The following FNIP2 variants were observed in gnomAD, a reference collection of about 807,000 sequenced individuals.
The protein encoded by FNIP2 is folliculin-interacting protein 2.
Under a neutral mutation model 108.7 loss-of-function variants are expected in FNIP2, and 32 were observed. The ratio of observed to expected loss-of-function variants is 0.29; its 90% CI spans 0.22 to 0.40. The LOEUF (loss-of-function observed/expected upper bound fraction) is 0.40, where lower values mean the gene tolerates loss of function less well. Among genes scored for constraint, FNIP2 ranks in the 10% least tolerant of loss-of-function variants. The pLI is 1.00. For missense variants in FNIP2, 1,202 were observed against 1,381.6 expected, an observed-to-expected ratio of 0.87 and a Z score of 2.06; for synonymous variants, 480 against 496.7, an observed-to-expected ratio of 0.97 and a Z score of 0.45.
chr4:158,889,832 G>C (rs1782196164), intron 14 of FNIP2: 1 of 982,654 alleles, frequency 1.0e-6, no homozygotes, highest in Non-Finnish European at 1.2e-6. Flanking sequence ...ATAAGGACCA[G>C]ACTCATTGAT....
At chr4:158,838,750 A>G (rs928702920) in intron 7 of FNIP2, among the ~76,000 whole-genome samples, 2 of 152,116 alleles carry the variant, frequency 1.3e-5, no homozygotes, top group African/African-American at 4.8e-5. Context: ...GCTAAAGTCC[A>G]CAGTTTTTTT....
Position 158,904,678 on chromosome 4 carries a change from G to GTGTT in FNIP2, c.*136_*139dup, listed in dbSNP as rs1729674762. 1 of 772,066 alleles carries GTGTT rather than the reference G, an allele frequency of 1.3e-6. No homozygotes were observed. The highest frequency in any genetic ancestry group is 2.6e-5 in the Admixed American group (1 of 38,652). 47.8% of individuals were successfully genotyped at this position (772,066 alleles called of 1,614,324 possible). ...AACAGTCATTCCACCTTTTTGTTTT[G>GTGTT]TGTTTTTGCTGTCAAGCTGATGCTT... is the stretch of plus-strand genomic sequence containing the variant. On this transcript the variant is annotated 3_prime_UTR_variant, in exon 17 of 17. Coordinates refer to ENST00000264433, the MANE Select transcript of FNIP2 (RefSeq NM_020840.3).
At chr4:158,769,966 A>G (rs558629642) in intron 1 of FNIP2, among the ~76,000 whole-genome samples, 1 of 152,358 alleles carries the variant, frequency 6.6e-6, no homozygotes, top group African/African-American at 2.4e-5. Flanking sequence ...TCTCGAACAC[A>G]TACCTTTGAA....
intron 1 of FNIP2, among the ~76,000 whole-genome samples, chr4:158,772,007 C>G (rs1469775322): frequency 6.6e-6 from 1 of 152,116 alleles, no homozygotes; most frequent in East Asian, 1.9e-4. Flanking sequence ...CTTCATGTTT[C>G]CTGGCATTTC....
At chr4:158,851,280 C>T (rs1560800921) in intron 7 of FNIP2, 41 bp from the exon 8 acceptor site, 1 of 1,612,336 alleles carries the variant, frequency 6.2e-7, no homozygotes, top group Non-Finnish European at 8.5e-7. Flanking sequence ...TACATGAGGA[C>T]TAATTGACCT....
chr4:158,829,520 A>C lies in FNIP2; in HGVS notation c.381+295A>C, dbSNP rs139063610. Among the ~76,000 whole-genome samples the C allele has an allele frequency of 3.1e-3, 475 of 152,338 alleles. 2 individuals carry two copies. The highest frequency in any genetic ancestry group is 0.011 in the African/African-American group (452 of 41,582). ...TTTCCTTTGCTCTCTGATCCAGAATAATAAACATGTACTTTCCAGTTTTGT... is the reference window on the plus strand; with the variant it reads ...TTTCCTTTGCTCTCTGATCCAGAATCATAAACATGTACTTTCCAGTTTTGT... On this transcript the variant is annotated intron_variant, in intron 3 of 16. Coordinates refer to ENST00000264433, the MANE Select transcript of FNIP2 (RefSeq NM_020840.3).
intron 1 of FNIP2, among the ~76,000 whole-genome samples, chr4:158,778,908 G>A (rs13123982): frequency 0.36 from 55,012 of 152,124 alleles, 10,395 homozygotes; most frequent in Middle Eastern, 0.47. Flanking sequence ...TTTCCAGGAT[G>A]AGAACCCAGG....
intron 7 of FNIP2, among the ~76,000 whole-genome samples, chr4:158,839,767 T>C (rs749107395): frequency 1.3e-5 from 2 of 151,910 alleles, no homozygotes; most frequent in Non-Finnish European, 2.9e-5. Flanking sequence ...CTGTGAGGGG[T>C]TGGGGTGAGT....
At chr4:158,885,293 G>A (rs748592782) in intron 14 of FNIP2, among the ~76,000 whole-genome samples, 11 of 152,176 alleles carry the variant, frequency 7.2e-5, no homozygotes, top group Non-Finnish European at 1.6e-4. Context: ...AGATTTGGGT[G>A]GGGACACAGA....
intron 2 of FNIP2, 84 bp from the exon 3 acceptor site, chr4:158,828,995 T>C: frequency 8.3e-7 from 1 of 1,207,600 alleles, no homozygotes; most frequent in Non-Finnish European, 1.1e-6. Context: ...CAGAATGCTT[T>C]TAAAAAGGAA....
At position 158,851,408 on chromosome 4, in the gene FNIP2, G is replaced by GAAGTCAGACAACTTTGGA. The variant is rs777985906; in HGVS notation, c.827_828insTTTGGAAAGTCAGACAAC (p.Thr276_Ser277insLeuGluSerGlnThrThr). 7 of 1,613,876 alleles carry GAAGTCAGACAACTTTGGA rather than the reference G, an allele frequency of 4.3e-6. No homozygotes were observed. The highest frequency in any genetic ancestry group is 4.2e-6 in the Non-Finnish European group (5 of 1,179,852). ...AGCAGTTACCAGCGCCGCTGGCTTC[G>GAAGTCAGACAACTTTGGA]AAGTCAGACAACAAGTTTGGAAAAT... On this transcript the variant is annotated inframe_insertion, in exon 8 of 17. Transcript: ENST00000264433.
chr4:158,884,819 G>A (rs1020439675), intron 14 of FNIP2, among the ~76,000 whole-genome samples: 11 of 151,976 alleles, frequency 7.2e-5, no homozygotes, highest in Admixed American at 2.6e-4. Flanking sequence ...GAGAGCAAGC[G>A]TATGCGAGGA....
intron 6 of FNIP2, 38 bp from the exon 7 acceptor site, chr4:158,835,367 G>A: frequency 1.3e-6 from 2 of 1,584,958 alleles, no homozygotes. Flanking sequence ...TATCTCTGAA[G>A]AGCCCAATAA....
At chr4:158,772,000 C>A (rs1176075003) in intron 1 of FNIP2, among the ~76,000 whole-genome samples, 1 of 152,180 alleles carries the variant, frequency 6.6e-6, no homozygotes, top group African/African-American at 2.4e-5. Context: ...TTCAGGACTT[C>A]ATGTTTCCTG....
In FNIP2 at chr4:158,851,376, T is replaced by C; in HGVS notation, c.783T>C (p.Ser261=). 6.2e-7 allele frequency: 1 copy of C among 1,613,994 alleles called. No homozygotes were observed. Among genetic ancestry groups the C allele is most frequent in the Non-Finnish European group, 8.5e-7 (1 of 1,179,866 alleles). ...TCCCATCTCCAAGCTCCTCTACATC[T>C]TCTTCCAGCAGTTACCAGCGCCGCT... ...TPFPSPSSST[S]SSSSYQRRWL... is the part of the protein sequence containing the mutation. The change falls in exon 8 of 17, where the codon TCT becomes TCC. Residue 261 remains serine, a synonymous_variant. Transcript: ENST00000264433.
intron 1 of FNIP2, among the ~76,000 whole-genome samples, chr4:158,773,783 G>A (rs1193420579): frequency 6.6e-6 from 1 of 152,178 alleles, no homozygotes; most frequent in Non-Finnish European, 1.5e-5. Context: ...AGTTTTCAGA[G>A]GGGTCTTAAA....
intron 14 of FNIP2, among the ~76,000 whole-genome samples, chr4:158,876,259 G>A (rs1400656273): frequency 6.6e-6 from 1 of 152,112 alleles, no homozygotes; most frequent in African/African-American, 2.4e-5. Context: ...CACTTCCACC[G>A]CCTTGTGCAG....
At chr4:158,856,319 A>G (rs1024412654) in intron 8 of FNIP2, among the ~76,000 whole-genome samples, 9 of 152,254 alleles carry the variant, frequency 5.9e-5, no homozygotes, top group African/African-American at 2.2e-4. Context: ...CAAAACTGAC[A>G]TAAATAACAA....
intron 15 of FNIP2, 134 bp from the exon 16 acceptor site, chr4:158,895,616 G>A: frequency 1.6e-6 from 1 of 618,482 alleles, no homozygotes. Context: ...GATGGCTTGT[G>A]ATTTTTTAAG....
Sources: allele counts gnomAD v4.1 joint callset (sites outside exome capture counted in the v4.1 genomes callset), GRCh38; gene constraint gnomAD v4.1.1; transcripts MANE v1.5; gene names NCBI Gene and HGNC (gene_info 2026-07-23, HGNC 2026-07-21).